Variants in PGM3 observed in about 807,000 individuals in gnomAD.
PGM3 encodes phosphoglucomutase 3.
PGM3 carries 40 observed loss-of-function variants against 66.2 expected under a neutral mutation model. The observed-to-expected ratio is 0.60, with a 90% CI of 0.47 to 0.79. The LOEUF is 0.79. PGM3 is among the 30% of genes least tolerant of loss of function. The pLI is 0.00. For missense variants in PGM3, 537 were observed against 643.4 expected (o/e 0.83, Z 1.79); for synonymous variants, 191 against 224.2 (o/e 0.85, Z 1.32).
chr6:83,180,584 T>C (rs958656176), intron 6 of PGM3, among the ~76,000 whole-genome samples: 1 of 152,170 alleles, frequency 6.6e-6, no homozygotes, highest in Non-Finnish European at 1.5e-5. Flanking sequence ...TAAAAGGCTT[T>C]TGTCAGGAAT....
intron 2 of PGM3, 29 bp downstream of exon 2, chr6:83,190,780 C>G: frequency 6.5e-7 from 1 of 1,536,094 alleles, no homozygotes; most frequent in South Asian, 1.1e-5. Context: ...AAATAATGGT[C>G]TGCTTTATCA....
In PGM3 at chr6:83,165,757, G is replaced by A. The variant is rs76498451; in HGVS notation, c.*3477C>T. On this transcript the variant is annotated 3_prime_UTR_variant, in exon 13 of 13. Transcript: ENST00000513973. ...TCATAGCCCAATTAGTTCAATTTTC[G>A]AAGCGTTGGTTGTGCAACGTGCGGC... The A allele has an allele frequency of 3.9e-4, 93 of 237,754 alleles. No homozygotes were observed. In the East Asian group the frequency reaches 4.0e-3, roughly 10 times the overall value. The allele number at this position is 237,754 out of a possible 1,614,324, so 14.7% of individuals were successfully genotyped here.
At chr6:83,153,585 T>C in the PGM3 span, 1 of 1,609,460 alleles carries the variant, frequency 6.2e-7, no homozygotes, top group African/African-American at 1.3e-5. Flanking sequence ...TTGTAAATAT[T>C]ATGCATTATG....
chr6:83,172,897 G>A (rs185924372), intron 10 of PGM3, among the ~76,000 whole-genome samples: 2 of 152,212 alleles, frequency 1.3e-5, no homozygotes, highest in African/African-American at 4.8e-5. Flanking sequence ...AGGAATGATG[G>A]TGATGCCAGA....
At chr6:83,175,919 A>G (rs1787729779) in intron 9 of PGM3, 43 bp downstream of exon 9, 2 of 1,013,734 alleles carry the variant, frequency 2.0e-6, no homozygotes. Context: ...CTCATCATAA[A>G]GAAAAGTGCC....
chr6:83,166,751 A>G lies in PGM3; in HGVS notation c.*2483T>C. The G allele has an allele frequency of 8.9e-7, 1 of 1,119,566 alleles. No homozygotes were observed. Among genetic ancestry groups the G allele is most frequent in the Non-Finnish European group, 1.1e-6 (1 of 917,676 alleles). The allele number at this position is 1,119,566 out of a possible 1,614,324, so 69.4% of individuals were successfully genotyped here. On this transcript the variant is annotated 3_prime_UTR_variant, in exon 13 of 13. Transcript: ENST00000513973. Reference sequence around the variant, plus strand: ...AGCTTGAGAGCACATAGAAGAAAATAAGCTGGATTTTGCATCTGCTTGACC... The same window carrying G: ...AGCTTGAGAGCACATAGAAGAAAATGAGCTGGATTTTGCATCTGCTTGACC...
At chr6:83,162,838 A>C (rs1369565376), downstream of PGM3, 2 of 1,613,570 alleles carry the variant, frequency 1.2e-6, no homozygotes, top group African/African-American at 2.7e-5. Context: ...CAGGTTTGGA[A>C]GTCAGAAGGC....
In PGM3 at chr6:83,181,929, A is replaced by C. The variant is rs778449780; in HGVS notation, c.594T>G (p.Ala198=). The C allele has an allele frequency of 6.3e-7, 1 of 1,579,198 alleles. No homozygotes were observed. The highest frequency in any genetic ancestry group is 2.0e-5 in the Admixed American group (1 of 49,288). ...ATCTGTATTCATCTCCACTGCAAGA[A>C]GCCTACAAAGGAAAAAGACACATGG... is the stretch of plus-strand genomic sequence containing the variant. ...SKAFVELTKQ[A]SCSGDEYRSL... is the part of the protein sequence containing the mutation. The change falls in exon 6 of 13, where the codon GCT becomes GCG. Residue 198 remains alanine, a splice_region_variant and synonymous_variant. Coordinates refer to ENST00000513973, the MANE Select transcript of PGM3 (RefSeq NM_015599.3).
At chr6:83,173,415 T>A (rs956525256) in intron 10 of PGM3, among the ~76,000 whole-genome samples, 6 of 152,196 alleles carry the variant, frequency 3.9e-5, no homozygotes, top group African/African-American at 1.4e-4. Context: ...TTTTTCTTTT[T>A]ATAAATAGAT....
At chr6:83,189,737 A>G (rs527687303) in intron 2 of PGM3, among the ~76,000 whole-genome samples, 104 of 152,374 alleles carry the variant, frequency 6.8e-4, no homozygotes, top group African/African-American at 2.5e-3. Flanking sequence ...ATATAGAAAC[A>G]ACAAAAGTGC....
downstream of PGM3, among the ~76,000 whole-genome samples, chr6:83,163,075 A>C (rs547946445): frequency 6.6e-6 from 1 of 152,172 alleles, no homozygotes; most frequent in Non-Finnish European, 1.5e-5. Context: ...CATAAGCCTC[A>C]TATTTCCAGA....
chr6:83,178,155 A>G (rs1338751753), intron 8 of PGM3, among the ~76,000 whole-genome samples: 1 of 152,252 alleles, frequency 6.6e-6, no homozygotes, highest in Non-Finnish European at 1.5e-5. Flanking sequence ...TGTCACACAC[A>G]TAGTTTATCC....
chr6:83,167,882 C>T lies in PGM3; in HGVS notation c.*1352G>A, dbSNP rs780825424. On this transcript the variant is annotated 3_prime_UTR_variant, in exon 13 of 13. Coordinates refer to ENST00000513973, the MANE Select transcript of PGM3 (RefSeq NM_015599.3). ...TGCAGAAAAATCCAGAGGAAGACAA[C>T]TCAGGGAGAACATTGGGTTGGGAGC... is the stretch of plus-strand genomic sequence containing the variant. 5 of 1,610,950 alleles carry T rather than the reference C, an allele frequency of 3.1e-6. No individual in the cohort carries two copies. The Admixed American group carries it at 8.4e-5, about 27-fold the overall frequency.
At chr6:83,161,395 A>G (rs1047366978), downstream of PGM3, among the ~76,000 whole-genome samples, 23 of 152,222 alleles carry the variant, frequency 1.5e-4, no homozygotes, top group African/African-American at 5.5e-4. Flanking sequence ...GGAAAGTTCA[A>G]AATACTTGAT....
chr6:83,166,631 T>C lies in PGM3; in HGVS notation c.*2603A>G. On this transcript the variant is annotated 3_prime_UTR_variant, in exon 13 of 13. Transcript: ENST00000513973. ...ATTTATTTAAGAATGTACTCCAATA[T>C]AAAACGGCAAATTTCAACAATGCAA... The C allele has an allele frequency of 2.1e-6, 2 of 960,202 alleles. No individual in the cohort carries two copies. The highest frequency in any genetic ancestry group is 3.0e-5 in the South Asian group (1 of 33,384). The allele number at this position is 960,202 out of a possible 1,614,324, so 59.5% of individuals were successfully genotyped here.
In PGM3 at chr6:83,175,977, T is replaced by G; in HGVS notation, c.1113A>C (p.Ala371=). ...QEFDIGVYFE[A]NGHGTALFST... ...GAGAACTTACAGTGCCATGCCCATT[T>G]GCTTCAAAATAAACTCCAATGTCAA... The change falls in exon 9 of 13, where the codon GCA becomes GCC. Residue 371 remains alanine, a synonymous_variant. Coordinates refer to ENST00000513973, the MANE Select transcript of PGM3 (RefSeq NM_015599.3). 1 of 1,607,092 alleles carries G rather than the reference T, an allele frequency of 6.2e-7. No individual in the cohort carries two copies.
At position 83,190,947 on chromosome 6, in the gene PGM3, T is replaced by C. The variant is rs1043867547; in HGVS notation, c.66A>G (p.Gln22=). 5 of 1,614,064 alleles carry C rather than the reference T, an allele frequency of 3.1e-6. No individual in the cohort carries two copies. Among genetic ancestry groups the C allele is most frequent in the African/African-American group, 1.3e-5 (1 of 74,938 alleles). The change falls in exon 2 of 13, where the codon CAA becomes CAG. Residue 22 remains glutamine (Q), a synonymous_variant. Coordinates refer to ENST00000513973, the MANE Select transcript of PGM3 (RefSeq NM_015599.3). ...LHAKPNGLIL[Q]YGTAGFRTKA... ...TCGTTCGAAATCCAGCAGTCCCGTA[T>C]TGAAGGATCAGTCCATTGGGCTTGG...
the PGM3 span, among the ~76,000 whole-genome samples, chr6:83,149,595 G>T: frequency 6.6e-6 from 1 of 152,286 alleles, no homozygotes; most frequent in East Asian, 1.9e-4. Flanking sequence ...TTATTTTAAA[G>T]AATGTGGTCT....
At chr6:83,183,400 C>T (rs562829076) in intron 4 of PGM3, among the ~76,000 whole-genome samples, 1 of 152,270 alleles carries the variant, frequency 6.6e-6, no homozygotes, top group East Asian at 1.9e-4. Context: ...TAAGCTAGTT[C>T]GGAAGCCAGT....
Sources: gnomAD v4.1 joint callset for allele counts (sites outside exome capture counted in the v4.1 genomes callset) on GRCh38, gnomAD v4.1.1 for gene constraint, MANE v1.5 for transcripts, NCBI Gene and HGNC (gene_info 2026-07-23, HGNC 2026-07-21) for gene names.